Variants in ZC3H7B observed in about 807,000 individuals in gnomAD.
ZC3H7B encodes the protein zinc finger CCCH-type containing 7B.
In ZC3H7B, 35 loss-of-function variants were observed where a neutral mutation model predicts 116.0. The ratio of observed to expected loss-of-function variants is 0.30; its 90% CI spans 0.23 to 0.40. The LOEUF (loss-of-function observed/expected upper bound fraction) is 0.40, where lower values mean the gene tolerates loss of function less well. Ranked by LOEUF, ZC3H7B falls within the 10% of genes least tolerant of loss-of-function variation. The pLI, the probability that ZC3H7B is intolerant of heterozygous loss-of-function variation, is 1.00. For missense variants in ZC3H7B, 1,011 were observed against 1,321.5 expected (o/e 0.77, Z 3.64); for synonymous variants, 502 against 545.6 (o/e 0.92, Z 1.11).
chr22:41,351,718 TA>T lies in ZC3H7B; in HGVS notation c.2034+74del. The T allele has an allele frequency of 6.9e-7, 1 of 1,452,722 alleles. No individual in the cohort carries two copies. The highest frequency in any genetic ancestry group is 9.4e-7 in the Non-Finnish European group (1 of 1,060,284). The allele number at this position is 1,452,722 out of a possible 1,614,324, so 90.0% of individuals were successfully genotyped here. A position where few individuals can be genotyped will look rare whatever the true frequency, so the allele number is the denominator to read the frequency against. On this transcript the variant is annotated intron_variant, in intron 17 of 22. Coordinates refer to ENST00000352645, the MANE Select transcript of ZC3H7B (RefSeq NM_017590.6). This position sits in a 1 kb window ranked among gnomAD's most constrained non-coding sequence, Gnocchi z 5.1. ...CCCCAAATTACAAACAGGAAGGCTCTAATTTTACAATAGAGAAATGTTTACA... is the reference window on the plus strand; with the variant it reads ...CCCCAAATTACAAACAGGAAGGCTCTATTTTACAATAGAGAAATGTTTACA...
chr22:41,329,175 A>T (rs1298966531), intron 5 of ZC3H7B, among the ~76,000 whole-genome samples: 2 of 149,472 alleles, frequency 1.3e-5, no homozygotes, highest in African/African-American at 4.9e-5. Context: ...ACTGCACTCC[A>T]CCCTGGGTGA....
intron 1 of ZC3H7B, among the ~76,000 whole-genome samples, chr22:41,319,227 C>T (rs1018734033): frequency 6.6e-6 from 1 of 152,030 alleles, no homozygotes; most frequent in Non-Finnish European, 1.5e-5. Context: ...CGGTGAAACC[C>T]CCTCTCTACT....
chr22:41,320,725 T>C lies in ZC3H7B; in HGVS notation c.53+12T>C, dbSNP rs1248842601. 27 of 1,566,994 alleles carry C rather than the reference T, an allele frequency of 1.7e-5. No homozygotes were observed. The highest frequency in any genetic ancestry group is 2.7e-5 in the African/African-American group (2 of 73,512). The stretch of plus-strand genomic sequence containing the variant: ...CTGCAGTTCATTCAGTAAGCCTGCA[T>C]GCGGCAGGGGCTGGACGGCTGGGTG... On this transcript the variant is annotated intron_variant, in intron 2 of 22. Coordinates refer to ENST00000352645, the MANE Select transcript of ZC3H7B (RefSeq NM_017590.6).
chr22:41,347,547 C>G (rs926253393), intron 14 of ZC3H7B, among the ~76,000 whole-genome samples: 1 of 152,200 alleles, frequency 6.6e-6, no homozygotes, highest in Admixed American at 6.5e-5. Context: ...CCAGTCATAG[C>G]ATGTTGAGGG....
Position 41,357,635 on chromosome 22 carries a change from C to T in ZC3H7B, c.*206C>T, listed in dbSNP as rs1032779949. 6 of 723,732 alleles carry T rather than the reference C, an allele frequency of 8.3e-6. No individual in the cohort carries two copies. The highest frequency in any genetic ancestry group is 1.8e-5 in the African/African-American group (1 of 56,098). 44.8% of individuals were successfully genotyped at this position (723,732 alleles called of 1,614,324 possible). Reference sequence around the variant, plus strand: ...CACGTGCTGCAGCCCCCGGAGGCCCCGCTGAAACCTGGGCTGCCCTTCCCC... The same window carrying T: ...CACGTGCTGCAGCCCCCGGAGGCCCTGCTGAAACCTGGGCTGCCCTTCCCC... On this transcript the variant is annotated 3_prime_UTR_variant, in exon 23 of 23. Transcript: ENST00000352645. The surrounding 1 kb of genome is among the most constrained non-coding windows in gnomAD (Gnocchi z 5.4).
At chr22:41,323,670 ACTC>A (rs1409816475) in intron 2 of ZC3H7B, among the ~76,000 whole-genome samples, 2 of 151,848 alleles carry the variant, frequency 1.3e-5, no homozygotes, top group African/African-American at 4.8e-5. Flanking sequence ...TTTTTGCCCC[ACTC>A]CTCCTACGCT....
chr22:41,351,688 A>G lies in ZC3H7B; in HGVS notation c.2034+42A>G. 6.3e-7 allele frequency: 1 copy of G among 1,582,674 alleles called. No individual in the cohort carries two copies. On this transcript the variant is annotated intron_variant, in intron 17 of 22. Transcript: ENST00000352645. The surrounding 1 kb of genome is among the most constrained non-coding windows in gnomAD (Gnocchi z 5.1). ...CTATGCCATTATTCAGATTTTGTGA[A>G]TTGTCCCCAAATTACAAACAGGAAG... is the stretch of plus-strand genomic sequence containing the variant.
chr22:41,345,315 G>A (rs540098399), intron 13 of ZC3H7B, among the ~76,000 whole-genome samples: 415 of 152,318 alleles, frequency 2.7e-3, no homozygotes, highest in Middle Eastern at 0.017. Flanking sequence ...GCCAGTCACA[G>A]TGGCTCATGC....
intron 1 of ZC3H7B, among the ~76,000 whole-genome samples, chr22:41,309,644 G>A (rs569233058): frequency 7.2e-5 from 11 of 152,034 alleles, no homozygotes; most frequent in Non-Finnish European, 1.5e-4. Context: ...TCCATGCCAC[G>A]CTTCCTGCTT....
chr22:41,339,674 C>T, intron 9 of ZC3H7B, 142 bp from the exon 10 acceptor site: 1 of 709,420 alleles, frequency 1.4e-6, no homozygotes, highest in Non-Finnish European at 2.3e-6. Flanking sequence ...CAGAAGGGAC[C>T]ATAGTGAGCC....
chr22:41,353,162 C>T (rs1290864707), intron 17 of ZC3H7B, among the ~76,000 whole-genome samples: 1 of 152,182 alleles, frequency 6.6e-6, no homozygotes, highest in Admixed American at 6.5e-5. Context: ...CGGACTGACA[C>T]CACTGATTGT....
rs745477040 is a variant in ZC3H7B at position 41,339,895 on chromosome 22, C to T, written c.896C>T (p.Thr299Ile). 1 of 1,613,824 alleles carries T rather than the reference C, an allele frequency of 6.2e-7. No individual in the cohort carries two copies. The highest frequency in any genetic ancestry group is 1.1e-5 in the South Asian group (1 of 91,054). Reference sequence around the variant, plus strand: ...CTGATACCCGTGTTCCCCGGCGGGACCCCACTGCTACCACCTGTGGTGGGT... The same window carrying T: ...CTGATACCCGTGTTCCCCGGCGGGATCCCACTGCTACCACCTGTGGTGGGT... ...PQLIPVFPGG[T>I]PLLPPVVGGS... Residue 299 changes from threonine to isoleucine, a missense_variant, in exon 10 of 23, where the codon ACC becomes ATC. Transcript: ENST00000352645.
chr22:41,355,326 T>C (rs1032720038), intron 17 of ZC3H7B, 143 bp from the exon 18 acceptor site: 6 of 1,188,994 alleles, frequency 5.0e-6, no homozygotes, highest in South Asian at 3.1e-5. Context: ...GGGCCTGCAG[T>C]TGGGAGGTCA....
chr22:41,341,298 G>T, intron 11 of ZC3H7B, 152 bp downstream of exon 11: 1 of 906,704 alleles, frequency 1.1e-6, no homozygotes, highest in Admixed American at 2.6e-5. Context: ...TGATCACCTC[G>T]TGCCCTTCCT....
Position 41,327,428 on chromosome 22 carries a change from C to T in ZC3H7B, c.444+64C>T. ...AGGCCAGGCTTCTGACCTTCCGGCC[C>T]TCACTTGGGCCCAGCCACCACATCC... On this transcript the variant is annotated intron_variant, in intron 5 of 22. Transcript: ENST00000352645. This position sits in a 1 kb window ranked among gnomAD's most constrained non-coding sequence, Gnocchi z 4.5. 6.4e-7 allele frequency: 1 copy of T among 1,572,090 alleles called. No individual in the cohort carries two copies. Among genetic ancestry groups the T allele is most frequent in the Non-Finnish European group, 8.6e-7 (1 of 1,163,122 alleles).
chr22:41,343,302 G>A (rs1240702879), intron 12 of ZC3H7B, 113 bp from the exon 13 acceptor site: 8 of 1,370,880 alleles, frequency 5.8e-6, no homozygotes, highest in South Asian at 1.5e-5. Flanking sequence ...GGCCCTCAGA[G>A]GGGAGGTAGG....
intron 1 of ZC3H7B, among the ~76,000 whole-genome samples, chr22:41,305,122 G>A (rs2036023162): frequency 6.6e-6 from 1 of 152,124 alleles, no homozygotes; most frequent in African/African-American, 2.4e-5. Context: ...CGGGGCGGGT[G>A]GATCACGAGG....
intron 20 of ZC3H7B, 114 bp downstream of exon 20, chr22:41,356,176 C>T: frequency 6.9e-7 from 1 of 1,446,772 alleles, no homozygotes; most frequent in Non-Finnish European, 9.3e-7. Flanking sequence ...TACCTGGGCC[C>T]TTCTCCACCT....
chr22:41,332,666 C>T (rs1379515001), intron 7 of ZC3H7B: 2 of 162,914 alleles, frequency 1.2e-5, no homozygotes, highest in African/African-American at 4.8e-5. Flanking sequence ...GAAACCCATC[C>T]TGCTCTCCCT....
Sources: allele counts gnomAD v4.1 joint callset (sites outside exome capture counted in the v4.1 genomes callset), GRCh38; gene constraint gnomAD v4.1.1; non-coding constraint Gnocchi (gnomAD v3.1); transcripts MANE v1.5; gene names NCBI Gene and HGNC (gene_info 2026-07-23, HGNC 2026-07-21).